PSME3: variants seen among roughly 807,000 people sequenced by gnomAD.
PSME3 encodes the protein proteasome activator subunit 3.
In PSME3, 7 loss-of-function variants were observed where a neutral mutation model predicts 38.3. The observed-to-expected ratio is 0.18, with a 90% CI of 0.10 to 0.34. PSME3 has a LOEUF of 0.34. PSME3 is among the 10% of genes least tolerant of loss of function. The probability of loss-of-function intolerance (pLI) is 1.00; values close to 1 mark genes in which losing one functional copy is unlikely to be tolerated. For synonymous variants in PSME3, 108 were observed against 105.7 expected (o/e 1.02, Z -0.13); for missense variants, 192 against 307.6 (o/e 0.62, Z 2.81).
chr17:42,838,569 C>T (rs900600675), intron 6 of PSME3, 162 bp from the exon 7 acceptor site: 15 of 736,868 alleles, frequency 2.0e-5, no homozygotes, highest in South Asian at 5.5e-5. Context: ...CCACCCGCTT[C>T]GGGGTCCCAA....
Position 42,833,589 on chromosome 17 carries a change from G to A in PSME3, c.-43G>A. ...TCCGGCCCCCTCCCTGGAGTCCACA[G>A]CGCCTCCGGTGTCCAGAGGATCGGA... On this transcript the variant is annotated 5_prime_UTR_variant, in exon 1 of 11. Coordinates refer to ENST00000590720, the MANE Select transcript of PSME3 (RefSeq NM_005789.4). 1 of 1,613,702 alleles carries A rather than the reference G, an allele frequency of 6.2e-7. No individual in the cohort carries two copies. Among genetic ancestry groups the A allele is most frequent in the Non-Finnish European group, 8.5e-7 (1 of 1,179,804 alleles).
chr17:42,833,935 A>G, intron 1 of PSME3: 1 of 1,440,618 alleles, frequency 6.9e-7, no homozygotes, highest in Non-Finnish European at 9.1e-7. Context: ...GGCCCGTGAC[A>G]GCTGGTAATC....
chr17:42,841,653 C>A lies in PSME3; in HGVS notation c.*75C>A. On this transcript the variant is annotated 3_prime_UTR_variant, in exon 11 of 11. Transcript: ENST00000590720. ...TTGCCTTGGTTTGTTACATGACTAT[C>A]GTGATGGGGAAACTGGCTGGAAATA... is the stretch of plus-strand genomic sequence containing the variant. The A allele has an allele frequency of 2.0e-6, 2 of 999,052 alleles. No homozygotes were observed. The highest frequency in any genetic ancestry group is 2.9e-6 in the Non-Finnish European group (2 of 684,600). 61.9% of individuals were successfully genotyped at this position (999,052 alleles called of 1,614,324 possible).
In PSME3 at chr17:42,839,392, C is replaced by T. The variant is rs777971704; in HGVS notation, c.684+12C>T. On this transcript the variant is annotated intron_variant, in intron 10 of 10. Coordinates refer to ENST00000590720, the MANE Select transcript of PSME3 (RefSeq NM_005789.4). ...TGAGGAATCAATATGTGAGTAATCT[C>T]AGTCCTTGTCCATAGTTGCTGTGGC... The T allele has an allele frequency of 3.2e-6, 5 of 1,578,176 alleles. 1 individual carries two copies. The South Asian group carries it at 4.4e-5, about 14-fold the overall frequency.
At chr17:42,837,377 G>A (rs1243189971) in intron 4 of PSME3, among the ~76,000 whole-genome samples, 1 of 151,892 alleles carries the variant, frequency 6.6e-6, no homozygotes, top group African/African-American at 2.4e-5. Flanking sequence ...TAGAGATGGG[G>A]TTTCACTATG....
intron 4 of PSME3, 44 bp from the exon 5 acceptor site, chr17:42,837,605 T>TG: frequency 6.3e-7 from 1 of 1,583,694 alleles, no homozygotes; most frequent in Non-Finnish European, 8.7e-7. Context: ...GATGGAGATG[T>TG]GGGTGTCAAA....
intron 4 of PSME3, 59 bp from the exon 5 acceptor site, chr17:42,837,590 C>A: frequency 6.6e-7 from 1 of 1,526,008 alleles, no homozygotes; most frequent in Non-Finnish European, 9.1e-7. Context: ...TGAAGGGTAT[C>A]TTGTGATGGA....
rs149753608 is a variant in PSME3 at position 42,834,449 on chromosome 17, A to G, written c.76-66A>G. The stretch of plus-strand genomic sequence containing the variant: ...AGAGGAGATACCTGGAGAGAGAGAG[A>G]GAGAGAGAGAGAGAGAGAGACCTTC... On this transcript the variant is annotated intron_variant, in intron 2 of 10. Coordinates refer to ENST00000590720, the MANE Select transcript of PSME3 (RefSeq NM_005789.4). 7.1e-4 allele frequency: 1,141 copies of G among 1,603,654 alleles called. 3 individuals carry two copies. The African/African-American group carries it at 0.014, about 20-fold the overall frequency.
At chr17:42,834,144 A>T in intron 1 of PSME3, 200 bp from the exon 2 acceptor site, 1 of 1,478,758 alleles carries the variant, frequency 6.8e-7, no homozygotes, top group Non-Finnish European at 8.9e-7. Context: ...CAGAGGAGAC[A>T]GGCAGGTGCT....
rs2055542510 is a variant in PSME3, at chr17:42,842,176, G to T, written c.*598G>T. The T allele has an allele frequency of 2.0e-5, 3 of 152,462 alleles. No individual in the cohort carries two copies. Among genetic ancestry groups the T allele is most frequent in the Admixed American group, 1.3e-4 (2 of 15,288 alleles). 9.4% of individuals were successfully genotyped at this position (152,462 alleles called of 1,614,324 possible). ...TTCAGTCAATTCCGAAGCTCCTTCAGTTGTTTTTATAATGGGCGTTTTCAC... is the reference window on the plus strand; with the variant it reads ...TTCAGTCAATTCCGAAGCTCCTTCATTTGTTTTTATAATGGGCGTTTTCAC... On this transcript the variant is annotated 3_prime_UTR_variant, in exon 11 of 11. Coordinates refer to ENST00000590720, the MANE Select transcript of PSME3 (RefSeq NM_005789.4).
intron 4 of PSME3, among the ~76,000 whole-genome samples, chr17:42,835,447 C>A (rs146455016): frequency 3.3e-5 from 5 of 152,092 alleles, no homozygotes; most frequent in Non-Finnish European, 4.4e-5. Flanking sequence ...TAGCTTAGGC[C>A]AGGCACCTTG....
At position 42,834,387 on chromosome 17, in the gene PSME3, T is replaced by C; in HGVS notation, c.75+11T>C. ...CGGATCACAAGTGAGGTGAGTGAAA[T>C]AAATAGAAAAATGGTTGTTGGTTGA... On this transcript the variant is annotated intron_variant, in intron 2 of 10. Coordinates refer to ENST00000590720, the MANE Select transcript of PSME3 (RefSeq NM_005789.4). 1 of 1,612,792 alleles carries C rather than the reference T, an allele frequency of 6.2e-7. No individual in the cohort carries two copies. The highest frequency in any genetic ancestry group is 8.5e-7 in the Non-Finnish European group (1 of 1,179,730).
rs2055534358 is a variant in PSME3, at chr17:42,841,551, G to A, written c.738G>A (p.Arg246=). The change falls in exon 11 of 11, where the codon CGG becomes CGA. Residue 246 remains arginine (R), a synonymous_variant. Transcript: ENST00000590720. ...LKNIEKIKRP[R]SSNAETLY ...ATATCGAGAAGATCAAACGGCCCCGGAGCAGCAATGCAGAGACTCTGTACT... is the reference window on the plus strand; with the variant it reads ...ATATCGAGAAGATCAAACGGCCCCGAAGCAGCAATGCAGAGACTCTGTACT... 2 of 1,609,640 alleles carry A rather than the reference G, an allele frequency of 1.2e-6. No homozygotes were observed. Among genetic ancestry groups the A allele is most frequent in the East Asian group, 4.5e-5 (2 of 44,596 alleles).
intron 5 of PSME3, 35 bp from the exon 6 acceptor site, chr17:42,838,058 C>T: frequency 6.2e-7 from 1 of 1,609,600 alleles, no homozygotes; most frequent in Non-Finnish European, 8.5e-7. Flanking sequence ...GTCCTTCCCT[C>T]TTCCCTGATC....
At chr17:42,838,632 G>T in intron 6 of PSME3, 99 bp from the exon 7 acceptor site, 1 of 1,172,546 alleles carries the variant, frequency 8.5e-7, no homozygotes, top group Non-Finnish European at 1.3e-6. Context: ...TAGGTATTTT[G>T]ACTTCTGTGT....
chr17:42,841,535 A>T lies in PSME3; in HGVS notation c.722A>T (p.Lys241Met). ...LHDMILKNIE[K>M]IKRPRSSNAE... ...GACATGATCCTGAAAAATATCGAGA[A>T]GATCAAACGGCCCCGGAGCAGCAAT... The change falls in exon 11 of 11, where the codon AAG becomes ATG. Residue 241 changes from lysine (K) to methionine (M), a missense_variant. Physicochemically the swap from Lys to Met is moderately conservative, Grantham distance 95. Transcript: ENST00000590720. 1 of 1,610,184 alleles carries T rather than the reference A, an allele frequency of 6.2e-7. No individual in the cohort carries two copies. Among genetic ancestry groups the T allele is most frequent in the Non-Finnish European group, 8.5e-7 (1 of 1,177,768 alleles).
At chr17:42,837,468 A>G (rs991587758) in intron 4 of PSME3, among the ~76,000 whole-genome samples, 181 bp from the exon 5 acceptor site, 2 of 152,204 alleles carry the variant, frequency 1.3e-5, no homozygotes, top group Non-Finnish European at 2.9e-5. Context: ...TACAGGCATG[A>G]GCCACCGCGC....
At chr17:42,840,152 A>C (rs2055513883) in intron 10 of PSME3, among the ~76,000 whole-genome samples, 1 of 149,948 alleles carries the variant, frequency 6.7e-6, no homozygotes, top group Non-Finnish European at 1.5e-5. Context: ...GCGTGGCGGC[A>C]CATGCCTTTA....
chr17:42,843,614 C>T lies in PSME3; in HGVS notation c.*2036C>T, dbSNP rs2055561314. ...TGGTTCAAGGCGCGTCCTACCCAGT[C>T]ATTTTCTTTACCTTATACTAATTCT... On this transcript the variant is annotated 3_prime_UTR_variant, in exon 11 of 11. Transcript: ENST00000590720. 6.6e-6 allele frequency: 1 copy of T among 152,342 alleles called. No homozygotes were observed. The highest frequency in any genetic ancestry group is 6.5e-5 in the Admixed American group (1 of 15,282). 9.4% of individuals were successfully genotyped at this position (152,342 alleles called of 1,614,324 possible).
Sources: allele counts gnomAD v4.1 joint callset (sites outside exome capture counted in the v4.1 genomes callset), GRCh38; gene constraint gnomAD v4.1.1; transcripts MANE v1.5; gene names NCBI Gene and HGNC (gene_info 2026-07-23, HGNC 2026-07-21).